The following RALGPS1 variants were observed in gnomAD, a reference collection of about 807,000 sequenced individuals.
RALGPS1 encodes the protein ras-specific guanine nucleotide-releasing factor RalGPS1.
RALGPS1 carries 19 observed loss-of-function variants against 78.8 expected under a neutral mutation model. The observed-to-expected ratio is 0.24, with a 90% CI of 0.17 to 0.35. The LOEUF (loss-of-function observed/expected upper bound fraction) is 0.35. Ranked by LOEUF, RALGPS1 falls within the 10% of genes least tolerant of loss-of-function variation. The pLI, the probability that RALGPS1 is intolerant of heterozygous loss-of-function variation, is 1.00. For missense variants in RALGPS1, 454 were observed against 688.3 expected, an observed-to-expected ratio of 0.66 and a Z score of 3.81; for synonymous variants, 228 against 256.3, an observed-to-expected ratio of 0.89 and a Z score of 1.06.
chr9:127,115,706 C>G (rs1269854427), intron 8 of RALGPS1, among the ~76,000 whole-genome samples: 1 of 152,226 alleles, frequency 6.6e-6, no homozygotes. Flanking sequence ...ATGTTACTCA[C>G]TGTTGACTGA....
At chr9:127,113,165 A>G (rs1481545056) in intron 8 of RALGPS1, among the ~76,000 whole-genome samples, 1 of 152,142 alleles carries the variant, frequency 6.6e-6, no homozygotes, top group Non-Finnish European at 1.5e-5. Flanking sequence ...GTCCCAGGTA[A>G]TCCGGTGGGT....
intron 1 of RALGPS1, among the ~76,000 whole-genome samples, chr9:126,937,905 C>T (rs2036409314): frequency 6.6e-6 from 1 of 152,128 alleles, no homozygotes; most frequent in Admixed American, 6.5e-5. Flanking sequence ...GTTACAACAA[C>T]AGGTTAAATG....
chr9:127,054,707 G>A (rs2048567556), intron 7 of RALGPS1, among the ~76,000 whole-genome samples: 1 of 152,134 alleles, frequency 6.6e-6, no homozygotes, highest in Non-Finnish European at 1.5e-5. Context: ...GCCAGGTGCA[G>A]TGACTCACTC....
At chr9:126,929,995 G>A (rs1051246000) in intron 1 of RALGPS1, among the ~76,000 whole-genome samples, 1 of 151,878 alleles carries the variant, frequency 6.6e-6, no homozygotes, top group Non-Finnish European at 1.5e-5. Flanking sequence ...ACCACTCCTG[G>A]CTTAAAAAAT....
chr9:127,016,828 T>G (rs187962866), intron 4 of RALGPS1: 4 of 152,360 alleles, frequency 2.6e-5, no homozygotes, highest in African/African-American at 9.6e-5. Context: ...CAGCCCTTAT[T>G]GATGGGGCTT....
intron 11 of RALGPS1, among the ~76,000 whole-genome samples, chr9:127,182,279 G>A (rs1389066650): frequency 2.6e-5 from 4 of 151,548 alleles, no homozygotes; most frequent in African/African-American, 9.7e-5. Context: ...CTTACAGCCT[G>A]TAGAACCATG....
chr9:127,217,445 C>T (rs937456246), intron 18 of RALGPS1: 14 of 987,618 alleles, frequency 1.4e-5, no homozygotes, highest in Admixed American at 6.0e-5. Flanking sequence ...CATCTATTCA[C>T]AAGGAAACAT....
intron 8 of RALGPS1, among the ~76,000 whole-genome samples, chr9:127,135,568 T>G (rs550171012): frequency 2.3e-4 from 35 of 152,310 alleles, no homozygotes; most frequent in Non-Finnish European, 4.3e-4. Context: ...TATCACCACC[T>G]CTGTGGGGAC....
In RALGPS1 at chr9:127,218,454, C is replaced by G. The variant is rs2062686958; in HGVS notation, c.1645-286C>G. Reference sequence around the variant, plus strand: ...CTTACTTGCTGTGTACTGAACCTCCCTAAGCCTCAGTTTCCTGTCTTTGTA... The same window carrying G: ...CTTACTTGCTGTGTACTGAACCTCCGTAAGCCTCAGTTTCCTGTCTTTGTA... On this transcript the variant is annotated intron_variant, in intron 18 of 18. Coordinates refer to ENST00000259351, the MANE Select transcript of RALGPS1 (RefSeq NM_014636.3). This position sits in a 1 kb window ranked among gnomAD's most constrained non-coding sequence, Gnocchi z 4.4. Among the ~76,000 whole-genome samples the G allele has an allele frequency of 6.6e-6, 1 of 152,212 alleles. No individual in the cohort carries two copies. The highest frequency in any genetic ancestry group is 2.4e-5 in the African/African-American group (1 of 41,448).
At chr9:126,934,294 C>T (rs1436408996) in intron 1 of RALGPS1, among the ~76,000 whole-genome samples, 1 of 152,200 alleles carries the variant, frequency 6.6e-6, no homozygotes, top group Non-Finnish European at 1.5e-5. Context: ...GAATTATTTT[C>T]CCTACTTTTA....
chr9:126,977,527 G>A (rs941152377), intron 3 of RALGPS1, among the ~76,000 whole-genome samples, 168 bp from the exon 4 acceptor site: 2 of 152,136 alleles, frequency 1.3e-5, no homozygotes, highest in African/African-American at 4.8e-5. Flanking sequence ...GGGAAGGGAT[G>A]GGAGAGGCAT....
At chr9:127,090,214 GACAAGGACCTTGCCAGCT>G (rs1304034591) in intron 8 of RALGPS1, among the ~76,000 whole-genome samples, 1 of 152,188 alleles carries the variant, frequency 6.6e-6, no homozygotes, top group Non-Finnish European at 1.5e-5. Context: ...CACCTCCAGG[GACAAGGACCTTGCCAGCT>G]ACTGATTTTG....
At chr9:127,030,409 AAC>A (rs2046325889) in intron 4 of RALGPS1, among the ~76,000 whole-genome samples, 2 of 152,174 alleles carry the variant, frequency 1.3e-5, no homozygotes, top group Non-Finnish European at 2.9e-5. Context: ...ACAACAGGAG[AAC>A]ACAGTGTGCA....
At chr9:126,963,522 A>G (rs1461291901) in intron 2 of RALGPS1, among the ~76,000 whole-genome samples, 1 of 152,246 alleles carries the variant, frequency 6.6e-6, no homozygotes, top group African/African-American at 2.4e-5. Flanking sequence ...GAATACATGT[A>G]TAACTGAAGT....
At chr9:127,176,968 T>C (rs148736331) in intron 11 of RALGPS1, among the ~76,000 whole-genome samples, 49 of 152,292 alleles carry the variant, frequency 3.2e-4, no homozygotes, top group Non-Finnish European at 6.2e-4. Flanking sequence ...TTCTCCCCCT[T>C]GTTTTTGTGG....
chr9:127,175,069 C>T (rs1439746738), intron 11 of RALGPS1, among the ~76,000 whole-genome samples: 1 of 152,226 alleles, frequency 6.6e-6, no homozygotes. Context: ...GGAGCACACA[C>T]AAGGTAGAGA....
chr9:126,940,968 G>A (rs2987302), intron 1 of RALGPS1, among the ~76,000 whole-genome samples: 89,146 of 152,124 alleles, frequency 0.59, 30,195 homozygotes, highest in East Asian at 0.81. Flanking sequence ...GAAGTGTACA[G>A]AAATAGAAAG....
chr9:127,213,100 T>C, intron 17 of RALGPS1, 51 bp downstream of exon 17: 2 of 1,607,960 alleles, frequency 1.2e-6, no homozygotes. Flanking sequence ...GCCCATTTCC[T>C]CTCTTGCACA....
chr9:126,965,985 C>T (rs747877157), intron 3 of RALGPS1, 34 bp downstream of exon 3: 1 of 1,527,294 alleles, frequency 6.5e-7, no homozygotes, highest in South Asian at 1.1e-5. Context: ...GGTGGCTGGG[C>T]ACCACAGCAG....
Sources: allele counts gnomAD v4.1 joint callset (sites outside exome capture counted in the v4.1 genomes callset), GRCh38; gene constraint gnomAD v4.1.1; non-coding constraint Gnocchi (gnomAD v3.1); transcripts MANE v1.5; gene names NCBI Gene and HGNC (gene_info 2026-07-23, HGNC 2026-07-21).